The following RSF1 variants were observed in gnomAD, a reference collection of about 807,000 sequenced individuals.
RSF1 encodes HBV pX-associated protein 8.
In RSF1, 13 loss-of-function variants were observed where a neutral mutation model predicts 145.2. That is an observed-to-expected ratio of 0.09 (90% CI 0.06 to 0.14). RSF1 has a LOEUF of 0.14. Among genes scored for constraint, RSF1 ranks in the 10% least tolerant of loss-of-function variants. The pLI, the probability that RSF1 is intolerant of heterozygous loss-of-function variation, is 1.00. For missense variants in RSF1, 1,517 were observed against 1,718.2 expected, an observed-to-expected ratio of 0.88 and a Z score of 2.07; for synonymous variants, 577 against 592.6, an observed-to-expected ratio of 0.97 and a Z score of 0.38.
At chr11:77,763,860 C>A (rs1408358411) in intron 2 of RSF1, 1 of 152,082 alleles carries the variant, frequency 6.6e-6, no homozygotes, top group Admixed American at 6.6e-5. Flanking sequence ...TGGTCCTCAA[C>A]CTTTCTGGCA....
At position 77,808,666 on chromosome 11, in the gene RSF1, T is replaced by G. The variant is rs964128893; in HGVS notation, c.187+11862A>C. Among the ~76,000 whole-genome samples, 7 of 129,132 alleles carry G rather than the reference T, an allele frequency of 5.4e-5. 1 individual carries two copies. The highest frequency in any genetic ancestry group is 2.3e-4 in the African/African-American group (7 of 31,106). 84.7% of individuals were successfully genotyped at this position (129,132 alleles called of 152,430 possible). On this transcript the variant is annotated intron_variant, in intron 1 of 15. Coordinates refer to ENST00000308488, the MANE Select transcript of RSF1 (RefSeq NM_016578.4). ...CTCCTGCCTCAGCCTCCCGAGTAGC[T>G]GGGACTACAGGCGCCCGCCACTACG...
chr11:77,801,981 CAGAG>C (rs942778450), intron 1 of RSF1, among the ~76,000 whole-genome samples: 4 of 151,880 alleles, frequency 2.6e-5, no homozygotes, highest in African/African-American at 9.7e-5. Flanking sequence ...GCCTGGGCAA[CAGAG>C]AGAGACCCCA....
intron 1 of RSF1, among the ~76,000 whole-genome samples, chr11:77,818,676 G>C (rs1283113686): frequency 1.3e-5 from 2 of 152,190 alleles, no homozygotes; most frequent in Non-Finnish European, 2.9e-5. Context: ...CTACTCGGGA[G>C]GCTGGGGCAG....
chr11:77,704,909 G>A (rs1162636494), intron 5 of RSF1, among the ~76,000 whole-genome samples: 1 of 151,948 alleles, frequency 6.6e-6, no homozygotes, highest in Non-Finnish European at 1.5e-5. Context: ...GCACCACTAC[G>A]CCCGGCTAAT....
intron 3 of RSF1, among the ~76,000 whole-genome samples, chr11:77,742,267 G>A (rs1029649763): frequency 1.3e-5 from 2 of 151,956 alleles, no homozygotes; most frequent in Non-Finnish European, 2.9e-5. Flanking sequence ...CACAATCAGC[G>A]TGCAAGGGTT....
At chr11:77,781,241 G>C (rs1948400809) in intron 1 of RSF1, among the ~76,000 whole-genome samples, 1 of 152,040 alleles carries the variant, frequency 6.6e-6, no homozygotes, top group South Asian at 2.1e-4. Context: ...TGGGATTACA[G>C]GCATGTGCCA....
At chr11:77,862,990 C>T in the RSF1 span, among the ~76,000 whole-genome samples, 2 of 151,974 alleles carry the variant, frequency 1.3e-5, no homozygotes, top group African/African-American at 4.8e-5. Context: ...CAAATGTTAC[C>T]GGGGGGTCCT....
the RSF1 span, among the ~76,000 whole-genome samples, chr11:77,844,186 G>C: frequency 6.6e-6 from 1 of 152,048 alleles, no homozygotes; most frequent in Non-Finnish European, 1.5e-5. Context: ...TAGCTTTTGG[G>C]CTTCTTATAA....
chr11:77,705,915 A>C (rs184826596), intron 5 of RSF1, among the ~76,000 whole-genome samples: 194 of 152,232 alleles, frequency 1.3e-3, no homozygotes, highest in African/African-American at 4.5e-3. Flanking sequence ...CACACAAATA[A>C]AATGTTGGAT....
upstream of RSF1, among the ~76,000 whole-genome samples, chr11:77,822,471 AAAG>A (rs1249594052): frequency 6.6e-6 from 1 of 151,944 alleles, no homozygotes; most frequent in Non-Finnish European, 1.5e-5. Flanking sequence ...ACCATGTAAA[AAAG>A]AGAAATCTGT....
At chr11:77,773,172 A>G (rs1948305397) in intron 1 of RSF1, among the ~76,000 whole-genome samples, 1 of 152,244 alleles carries the variant, frequency 6.6e-6, no homozygotes, top group African/African-American at 2.4e-5. Context: ...TGTAATGCAC[A>G]TACCATACAA....
chr11:77,757,862 G>A (rs1331187910), intron 2 of RSF1, among the ~76,000 whole-genome samples: 1 of 152,176 alleles, frequency 6.6e-6, no homozygotes, highest in Non-Finnish European at 1.5e-5. Flanking sequence ...CAGGCTAAGC[G>A]TGGTGGCTCA....
At chr11:77,693,764 C>CATTTATTTATTTATTTATTTATTTATTT (rs149549639) in intron 7 of RSF1, among the ~76,000 whole-genome samples, 153 bp from the exon 8 acceptor site, 6 of 146,556 alleles carry the variant, frequency 4.1e-5, no homozygotes, top group Non-Finnish European at 3.0e-5. Flanking sequence ...AGGGATCTGA[C>CATTTATTTATTTATTTATTTATTTATTT]ATTTATTTAT....
At chr11:77,813,717 G>A (rs902885369) in intron 1 of RSF1, 1 of 416,428 alleles carries the variant, frequency 2.4e-6, no homozygotes, top group Non-Finnish European at 4.7e-6. Flanking sequence ...TCCTCGGCGA[G>A]AGCGAACAGT....
intron 1 of RSF1, among the ~76,000 whole-genome samples, chr11:77,792,915 A>T (rs1948534669): frequency 6.6e-6 from 1 of 152,214 alleles, no homozygotes; most frequent in African/African-American, 2.4e-5. Flanking sequence ...CCTGGAAGTC[A>T]AAGGATGATA....
intron 14 of RSF1, among the ~76,000 whole-genome samples, chr11:77,673,492 A>C (rs1391219997): frequency 6.6e-6 from 1 of 152,220 alleles, no homozygotes; most frequent in Non-Finnish European, 1.5e-5. Context: ...GGACAAATGG[A>C]GCCTAAATAG....
intron 5 of RSF1, among the ~76,000 whole-genome samples, chr11:77,721,736 G>A (rs1234834642): frequency 1.3e-5 from 2 of 152,116 alleles, no homozygotes; most frequent in African/African-American, 4.8e-5. Flanking sequence ...CTTTACAAAA[G>A]CAAGGATTTT....
At chr11:77,842,065 A>C in the RSF1 span, among the ~76,000 whole-genome samples, 144 of 152,352 alleles carry the variant, frequency 9.5e-4, 1 homozygote, top group Non-Finnish European at 1.6e-3. Context: ...GATCTTCATG[A>C]ATAAGCATTT....
At position 77,663,974 on chromosome 11, in the gene RSF1, A is replaced by C. The variant is rs956056511; in HGVS notation, c.*2943T>G. The C allele has an allele frequency of 2.6e-5, 4 of 152,142 alleles. No homozygotes were observed. Among genetic ancestry groups the C allele is most frequent in the African/African-American group, 9.7e-5 (4 of 41,430 alleles). The allele number at this position is 152,142 out of a possible 1,614,324, so 9.4% of individuals were successfully genotyped here. A position where few individuals can be genotyped will look rare whatever the true frequency, so the allele number is the denominator to read the frequency against. ...TATGTAGCAGCTATTTTGAGTCTAA[A>C]TCCATGGTTAGTGCTCTAAAAAAGA... On this transcript the variant is annotated 3_prime_UTR_variant, in exon 16 of 16. Transcript: ENST00000308488.
Sources: allele counts gnomAD v4.1 joint callset (sites outside exome capture counted in the v4.1 genomes callset), GRCh38; gene constraint gnomAD v4.1.1; transcripts MANE v1.5; gene names NCBI Gene and HGNC (gene_info 2026-07-23, HGNC 2026-07-21).